The following CEP85L variants were observed in gnomAD, a reference collection of about 807,000 sequenced individuals.
CEP85L encodes centrosomal protein 85L, also known as centrosomal protein of 85 kDa-like.
A neutral mutation model predicts 100.3 loss-of-function variants in CEP85L; 60 were observed. That is an observed-to-expected ratio of 0.60 (90% CI 0.49 to 0.74). The LOEUF (loss-of-function observed/expected upper bound fraction) is 0.74. Among genes scored for constraint, CEP85L ranks in the 30% least tolerant of loss-of-function variants. The probability of loss-of-function intolerance (pLI) is 0.00; values close to 1 mark genes in which losing one functional copy is unlikely to be tolerated. For synonymous variants in CEP85L, 319 were observed against 322.7 expected (o/e 0.99, Z 0.12); for missense variants, 973 against 936.2 (o/e 1.04, Z -0.51).
intron 1 of CEP85L, among the ~76,000 whole-genome samples, chr6:118,637,215 G>A (rs1458676069): frequency 9.9e-5 from 15 of 152,132 alleles, no homozygotes; most frequent in African/African-American, 2.4e-4. Flanking sequence ...CTATCATTCC[G>A]CCCCTCTAGA....
intron 1 of CEP85L, among the ~76,000 whole-genome samples, chr6:118,701,773 TAAAGTTGGAA>T (rs898427071): frequency 1.3e-5 from 2 of 151,268 alleles, no homozygotes; most frequent in Non-Finnish European, 2.9e-5. Flanking sequence ...AATCTAAAAT[TAAAGTTGGAA>T]AAAAAACAAA....
chr6:118,607,259 G>A lies in CEP85L; in HGVS notation c.232+25194C>T, dbSNP rs997383698. ...TCTCTGGGCAAGATGGTCACCCTGA[G>A]TAATAGAAAAGATAGGAAAGGAAAA... On this transcript the variant is annotated intron_variant, in intron 2 of 12. Transcript: ENST00000368491. Among the ~76,000 whole-genome samples, 5 of 152,126 alleles carry A rather than the reference G, an allele frequency of 3.3e-5. No homozygotes were observed. The East Asian group carries it at 9.6e-4, about 29-fold the overall frequency.
chr6:118,488,468 T>C (rs950453772), intron 6 of CEP85L, among the ~76,000 whole-genome samples: 2 of 151,314 alleles, frequency 1.3e-5, no homozygotes, highest in African/African-American at 4.9e-5. Flanking sequence ...ACACAGGTAT[T>C]TGGAAATTAT....
intron 2 of CEP85L, among the ~76,000 whole-genome samples, chr6:118,608,417 C>A (rs1319549174): frequency 6.6e-6 from 1 of 152,012 alleles, no homozygotes; most frequent in Admixed American, 6.6e-5. Context: ...ATGGCATGAA[C>A]CCGGGAGGCA....
At chr6:118,569,504 TAAA>T (rs1779760047) in intron 2 of CEP85L, among the ~76,000 whole-genome samples, 1 of 150,232 alleles carries the variant, frequency 6.7e-6, no homozygotes, top group South Asian at 2.1e-4. Flanking sequence ...AATAAAAAAA[TAAA>T]AAACATACAG....
intron 6 of CEP85L, among the ~76,000 whole-genome samples, chr6:118,484,594 G>T (rs1474728294): frequency 6.6e-6 from 1 of 152,168 alleles, no homozygotes; most frequent in African/African-American, 2.4e-5. Flanking sequence ...TTACAATTTA[G>T]TATGGAACAA....
chr6:118,562,137 T>C (rs1287900510), intron 3 of CEP85L, among the ~76,000 whole-genome samples: 3 of 152,148 alleles, frequency 2.0e-5, no homozygotes, highest in Non-Finnish European at 4.4e-5. Context: ...TATCCTAATA[T>C]AGGGAGTGTC....
rs1317743865 is a variant in CEP85L at position 118,565,873 on chromosome 6, G to C, written c.676C>G (p.Leu226Val). ...CTCTCAAATTTATACTTGCAGTCCA[G>C]AGTTGATGACCGTTTTTTATTTATT... ...KEINKKRSST[L>V]DCKYKFESCS... The change falls in exon 3 of 13, where the codon CTG (leucine) becomes GTG (valine). Residue 226 changes from leucine (L) to valine (V), a missense_variant. Physicochemically the swap from Leu to Val is conservative, Grantham distance 32 (BLOSUM62 1). This residue lies in a region of CEP85L where 890 missense variants were observed against 844.5 expected (regional missense o/e 1.05). Transcript: ENST00000368491. 1.9e-6 allele frequency: 3 copies of C among 1,614,068 alleles called. No individual in the cohort carries two copies. In the South Asian group the frequency reaches 3.3e-5, roughly 18 times the overall value.
In CEP85L at chr6:118,461,759, A is replaced by G. The variant is rs1772245830; in HGVS notation, c.*3646T>C. ...AAATTGTTCCTGTTGTTTTGTGAAC[A>G]TGAATTGTCAAAAATGGAAACATGG... is the stretch of plus-strand genomic sequence containing the variant. On this transcript the variant is annotated 3_prime_UTR_variant, in exon 13 of 13. Coordinates refer to ENST00000368491, the MANE Select transcript of CEP85L (RefSeq NM_001042475.3). 1 of 152,076 alleles carries G rather than the reference A, an allele frequency of 6.6e-6. No homozygotes were observed. Among genetic ancestry groups the G allele is most frequent in the Non-Finnish European group, 1.5e-5 (1 of 67,942 alleles). The allele number at this position is 152,076 out of a possible 1,614,324, so 9.4% of individuals were successfully genotyped here.
At chr6:118,547,157 T>C (rs1004936912) in intron 3 of CEP85L, among the ~76,000 whole-genome samples, 3 of 152,068 alleles carry the variant, frequency 2.0e-5, no homozygotes, top group Admixed American at 6.5e-5. Context: ...AAAGAAGAGA[T>C]TTAAGAATTA....
intron 1 of CEP85L, among the ~76,000 whole-genome samples, chr6:118,633,953 G>A (rs1416135374): frequency 6.6e-6 from 1 of 152,172 alleles, no homozygotes; most frequent in Non-Finnish European, 1.5e-5. Flanking sequence ...CAGATTATCT[G>A]AACAGCCAAC....
intron 2 of CEP85L, among the ~76,000 whole-genome samples, chr6:118,605,115 A>G (rs1159710240): frequency 6.6e-6 from 1 of 152,184 alleles, no homozygotes; most frequent in Non-Finnish European, 1.5e-5. Context: ...GAAAAGCGCC[A>G]GGAAAGCATG....
At chr6:118,629,349 C>A (rs1226221945) in intron 2 of CEP85L, among the ~76,000 whole-genome samples, 1 of 152,078 alleles carries the variant, frequency 6.6e-6, no homozygotes, top group Admixed American at 6.5e-5. Flanking sequence ...ACTAACAACC[C>A]AATTAAGAAA....
At chr6:118,591,554 G>A (rs1337850151) in intron 2 of CEP85L, among the ~76,000 whole-genome samples, 1 of 152,120 alleles carries the variant, frequency 6.6e-6, no homozygotes, top group Non-Finnish European at 1.5e-5. Flanking sequence ...GCCTCTGATT[G>A]GTCACTTTCT....
rs1562298113 is a variant in CEP85L, at chr6:118,600,363, GTGTGTGT to G, written c.232+32083_232+32089del. On this transcript the variant is annotated intron_variant, in intron 2 of 12. Coordinates refer to ENST00000368491, the MANE Select transcript of CEP85L (RefSeq NM_001042475.3). ...TGTGTGTGTGTGTGTGTGTGTGTGT[GTGTGTGT>G]AACGCCATGGAGCAATCTCAGCTCA... is the stretch of plus-strand genomic sequence containing the variant. 1.4e-3 allele frequency among the ~76,000 whole-genome samples: 189 copies of G among 134,982 alleles called. 41 individuals are homozygous for G. The highest frequency in any genetic ancestry group is 4.5e-3 in the South Asian group (18 of 4,010). The allele number at this position is 134,982 out of a possible 152,430, so 88.6% of individuals were successfully genotyped here. A position where few individuals can be genotyped will look rare whatever the true frequency, so the allele number is the denominator to read the frequency against.
intron 3 of CEP85L, among the ~76,000 whole-genome samples, chr6:118,526,446 G>A (rs890118098): frequency 2.0e-5 from 3 of 152,068 alleles, no homozygotes; most frequent in African/African-American, 7.2e-5. Context: ...AGTCAGTCCC[G>A]CAAAATCTTC....
chr6:118,575,756 T>C (rs907829517), intron 2 of CEP85L, among the ~76,000 whole-genome samples: 18 of 152,178 alleles, frequency 1.2e-4, no homozygotes, highest in South Asian at 4.1e-4. Context: ...TATGGGTACA[T>C]AGGAATACAA....
At chr6:118,489,329 T>C (rs1326202544) in intron 6 of CEP85L, among the ~76,000 whole-genome samples, 1 of 149,066 alleles carries the variant, frequency 6.7e-6, no homozygotes, top group Non-Finnish European at 1.5e-5. Context: ...AAAGCTGTGA[T>C]ATTATAGTTG....
chr6:118,615,378 G>C (rs981066863), intron 2 of CEP85L, among the ~76,000 whole-genome samples: 1 of 151,360 alleles, frequency 6.6e-6, no homozygotes, highest in African/African-American at 2.4e-5. Context: ...AACTAGAAGA[G>C]CTAAAACAAT....
Sources: allele counts gnomAD v4.1 joint callset (sites outside exome capture counted in the v4.1 genomes callset), GRCh38; gene constraint gnomAD v4.1.1; regional missense constraint gnomAD v4.1.1; transcripts MANE v1.5; gene names NCBI Gene and HGNC (gene_info 2026-07-23, HGNC 2026-07-21).